Variants in AGBL4 observed in about 807,000 individuals in gnomAD.
The protein encoded by AGBL4 is AGBL carboxypeptidase 4.
A neutral mutation model predicts 66.4 loss-of-function variants in AGBL4; 58 were observed. The ratio of observed to expected loss-of-function variants is 0.87; its 90% CI spans 0.71 to 1.09. AGBL4 has a LOEUF of 1.09. AGBL4 is among the 50% of genes least tolerant of loss of function. AGBL4 has a pLI of 0.00. For synonymous variants in AGBL4, 234 were observed against 222.9 expected, an observed-to-expected ratio of 1.05 and a Z score of -0.44; for missense variants, 579 against 631.0, an observed-to-expected ratio of 0.92 and a Z score of 0.88.
intron 1 of AGBL4, among the ~76,000 whole-genome samples, chr1:49,968,075 T>C (rs1217086301): frequency 1.3e-5 from 2 of 152,050 alleles, no homozygotes; most frequent in African/African-American, 4.8e-5. Flanking sequence ...ATACAAAAAT[T>C]AGCCAAGCAT....
chr1:48,644,147 A>G (rs964247270), intron 8 of AGBL4, among the ~76,000 whole-genome samples: 1 of 152,172 alleles, frequency 6.6e-6, no homozygotes, highest in African/African-American at 2.4e-5. Flanking sequence ...TAAAACACTT[A>G]GAATAGTGTC....
At chr1:48,739,316 T>C (rs1649550867) in intron 6 of AGBL4, among the ~76,000 whole-genome samples, 1 of 152,234 alleles carries the variant, frequency 6.6e-6, no homozygotes, top group African/African-American at 2.4e-5. Flanking sequence ...TTCTGCAGTC[T>C]TTCAACTGTG....
chr1:49,204,023 GGAGAAAAGCAAGGTA>G lies in AGBL4; in HGVS notation c.377+41732_377+41746del, dbSNP rs1234590255. 2.6e-5 allele frequency among the ~76,000 whole-genome samples: 4 copies of G among 152,100 alleles called. No individual in the cohort carries two copies. In the East Asian group the frequency reaches 7.7e-4, roughly 29 times the overall value. ...TAAAGAAAATGGATAAAGCATCATG[GGAGAAAAGCAAGGTA>G]GACAGGGCCCTCAGGGCAGAAAGTA... On this transcript the variant is annotated intron_variant, in intron 4 of 13. Transcript: ENST00000371839.
chr1:49,573,188 GTA>G (rs1553229878), intron 3 of AGBL4, among the ~76,000 whole-genome samples: 17 of 137,708 alleles, frequency 1.2e-4, no homozygotes, highest in Middle Eastern at 3.4e-3. Flanking sequence ...GTGTGTGTGT[GTA>G]TACTTTTAGT....
At chr1:49,753,697 A>C (rs1350103036) in intron 2 of AGBL4, among the ~76,000 whole-genome samples, 1 of 152,150 alleles carries the variant, frequency 6.6e-6, no homozygotes, top group Admixed American at 6.6e-5. Context: ...CCTCACTTTC[A>C]GGTATGCCAA....
At chr1:48,605,557 C>T (rs1215684108) in intron 9 of AGBL4, among the ~76,000 whole-genome samples, 1 of 152,174 alleles carries the variant, frequency 6.6e-6, no homozygotes, top group Non-Finnish European at 1.5e-5. Flanking sequence ...TTTTATTGTA[C>T]CTATTTCACT....
chr1:49,366,892 A>G (rs1445628905), intron 3 of AGBL4, among the ~76,000 whole-genome samples: 1 of 152,210 alleles, frequency 6.6e-6, no homozygotes, highest in Non-Finnish European at 1.5e-5. Flanking sequence ...AGACTCAGCT[A>G]TAACAAAAAG....
chr1:49,634,015 A>T (rs988616404), intron 3 of AGBL4, among the ~76,000 whole-genome samples: 21 of 151,578 alleles, frequency 1.4e-4, no homozygotes, highest in Admixed American at 1.3e-3. Context: ...TACTATCAAT[A>T]ATTTAAAATT....
At position 49,173,485 on chromosome 1, in the gene AGBL4, G is replaced by T. The variant is rs1421963296; in HGVS notation, c.377+72285C>A. Among the ~76,000 whole-genome samples the T allele has an allele frequency of 2.0e-5, 3 of 152,202 alleles. No individual in the cohort carries two copies. The East Asian group carries it at 5.8e-4, about 29-fold the overall frequency. On this transcript the variant is annotated intron_variant, in intron 4 of 13. Coordinates refer to ENST00000371839, the MANE Select transcript of AGBL4 (RefSeq NM_032785.4). ...TAATCCCAAGAAGGACTTTGCCATT[G>T]TATATTTATTGTATTAGTCATTAAG...
chr1:49,817,854 G>C (rs920872293), intron 2 of AGBL4, among the ~76,000 whole-genome samples: 1 of 152,166 alleles, frequency 6.6e-6, no homozygotes, highest in Non-Finnish European at 1.5e-5. Flanking sequence ...TTACTGGAAA[G>C]AGATTAATAT....
intron 1 of AGBL4, among the ~76,000 whole-genome samples, chr1:49,896,740 A>G (rs1649258005): frequency 6.6e-6 from 1 of 151,938 alleles, no homozygotes. Context: ...ATAACACATT[A>G]AAAAGATCAT....
intron 3 of AGBL4, among the ~76,000 whole-genome samples, chr1:49,316,360 T>C (rs1387954326): frequency 6.6e-6 from 1 of 151,698 alleles, no homozygotes; most frequent in Non-Finnish European, 1.5e-5. Flanking sequence ...GAAGGAGTGG[T>C]GAGGGGGTAA....
At chr1:48,940,997 G>A (rs1655921834) in intron 5 of AGBL4, among the ~76,000 whole-genome samples, 1 of 152,110 alleles carries the variant, frequency 6.6e-6, no homozygotes, top group South Asian at 2.1e-4. Flanking sequence ...GGCAGGCAGA[G>A]AAAGGGGAGA....
chr1:49,461,189 T>A (rs1028355784), intron 3 of AGBL4, among the ~76,000 whole-genome samples: 1 of 151,652 alleles, frequency 6.6e-6, no homozygotes, highest in African/African-American at 2.4e-5. Flanking sequence ...CCCTCAAATA[T>A]AATGTTTTCC....
chr1:49,769,505 C>G (rs1019514957), intron 2 of AGBL4, among the ~76,000 whole-genome samples: 1 of 152,018 alleles, frequency 6.6e-6, no homozygotes, highest in African/African-American at 2.4e-5. Context: ...CCTGAATAGC[C>G]AAGCAATTCT....
At chr1:50,012,517 GA>G (rs1276575948) in intron 1 of AGBL4, among the ~76,000 whole-genome samples, 1 of 151,830 alleles carries the variant, frequency 6.6e-6, no homozygotes, top group Admixed American at 6.6e-5. Flanking sequence ...AAATAAATAA[GA>G]AAAAATTTTA....
rs552393243 is a variant in AGBL4 at position 48,915,099 on chromosome 1, A to C, written c.595-47869T>G. On this transcript the variant is annotated intron_variant, in intron 5 of 13. Coordinates refer to ENST00000371839, the MANE Select transcript of AGBL4 (RefSeq NM_032785.4). ...TTATTTGTTATTTATTATTACCTGG[A>C]GTATGAAAAAGAAACATTTTAGCAT... is the stretch of plus-strand genomic sequence containing the variant. 3.3e-5 allele frequency among the ~76,000 whole-genome samples: 5 copies of C among 152,294 alleles called. No individual in the cohort carries two copies. The South Asian group carries it at 1.0e-3, about 32-fold the overall frequency.
At chr1:49,162,360 A>G (rs747870891) in intron 4 of AGBL4, among the ~76,000 whole-genome samples, 2 of 152,204 alleles carry the variant, frequency 1.3e-5, no homozygotes, top group Admixed American at 1.3e-4. Context: ...TAAAAGGAAC[A>G]TCATATATTT....
chr1:49,098,978 C>T (rs1032111263), intron 4 of AGBL4, among the ~76,000 whole-genome samples: 7 of 152,168 alleles, frequency 4.6e-5, no homozygotes, highest in Non-Finnish European at 7.3e-5. Context: ...GGCACGAGGT[C>T]TCAAGGCAGC....
Sources: allele counts gnomAD v4.1 joint callset (sites outside exome capture counted in the v4.1 genomes callset), GRCh38; gene constraint gnomAD v4.1.1; transcripts MANE v1.5; gene names NCBI Gene and HGNC (gene_info 2026-07-23, HGNC 2026-07-21).